The following PTPRN2 variants were observed in gnomAD, a reference collection of about 807,000 sequenced individuals.
PTPRN2 encodes receptor-type tyrosine-protein phosphatase N2.
PTPRN2 carries 74 observed loss-of-function variants against 118.8 expected under a neutral mutation model. The ratio of observed to expected loss-of-function variants is 0.62; its 90% CI spans 0.52 to 0.76. The LOEUF is 0.76. PTPRN2 is among the 30% of genes least tolerant of loss of function. The pLI is 0.00. For missense variants in PTPRN2, 1,481 were observed against 1,394.4 expected (o/e 1.06, Z -0.99); for synonymous variants, 641 against 608.0 (o/e 1.05, Z -0.80).
intron 12 of PTPRN2, among the ~76,000 whole-genome samples, chr7:157,725,133 C>A (rs372075049): frequency 6.6e-6 from 1 of 151,934 alleles, no homozygotes; most frequent in Non-Finnish European, 1.5e-5. Flanking sequence ...TCTGGGAGAA[C>A]TGGATATCTA....
At chr7:158,068,736 G>T (rs1377438815) in intron 11 of PTPRN2, among the ~76,000 whole-genome samples, 1 of 152,156 alleles carries the variant, frequency 6.6e-6, no homozygotes, top group Non-Finnish European at 1.5e-5. Context: ...GTCGGTCAAG[G>T]GCTGTGAAGC....
chr7:158,492,134 C>T (rs1298922306), intron 1 of PTPRN2, among the ~76,000 whole-genome samples: 3 of 152,196 alleles, frequency 2.0e-5, no homozygotes, highest in Admixed American at 6.5e-5. Flanking sequence ...CACAGAGGCG[C>T]ACAGAGAAGG....
Position 157,936,313 on chromosome 7 carries a change from C to G in PTPRN2, c.1724-37576G>C, listed in dbSNP as rs72621122. On this transcript the variant is annotated intron_variant, in intron 11 of 22. Coordinates refer to ENST00000389418, the MANE Select transcript of PTPRN2 (RefSeq NM_002847.5). Reference sequence around the variant, plus strand: ...CTTTCTTGAGGTGACGAGATGCTATCGATTATGGGCTCTGTGCCCCTGTCA... The same window carrying G: ...CTTTCTTGAGGTGACGAGATGCTATGGATTATGGGCTCTGTGCCCCTGTCA... 8.5e-5 allele frequency among the ~76,000 whole-genome samples: 13 copies of G among 152,114 alleles called. No homozygotes were observed. In the South Asian group the frequency reaches 1.7e-3, roughly 19 times the overall value.
chr7:158,031,905 T>C (rs1364955168), intron 11 of PTPRN2, among the ~76,000 whole-genome samples: 1 of 152,238 alleles, frequency 6.6e-6, no homozygotes, highest in African/African-American at 2.4e-5. Flanking sequence ...GGTGCTGCTC[T>C]GCAGCCGGCG....
intron 2 of PTPRN2, among the ~76,000 whole-genome samples, chr7:158,385,305 GA>G (rs5888752): frequency 0.92 from 139,014 of 151,918 alleles, 63,622 homozygotes; most frequent in African/African-American, 0.93. Flanking sequence ...GACACCACTG[GA>G]AAAAAAAAGG....
At chr7:157,950,894 G>A (rs772817751) in intron 11 of PTPRN2, among the ~76,000 whole-genome samples, 20 of 152,284 alleles carry the variant, frequency 1.3e-4, no homozygotes, top group Admixed American at 7.2e-4. Flanking sequence ...TGGTGATGGC[G>A]GGTGGCCATT....
intron 3 of PTPRN2, among the ~76,000 whole-genome samples, chr7:158,257,576 G>A (rs1797112138): frequency 6.6e-6 from 1 of 152,344 alleles, no homozygotes. Context: ...ACGACCCCGA[G>A]CCCCCAGTTG....
In PTPRN2 at chr7:158,060,316, C is replaced by T. The variant is rs550163174; in HGVS notation, c.1723+20982G>A. Among the ~76,000 whole-genome samples, 36 of 141,704 alleles carry T rather than the reference C, an allele frequency of 2.5e-4. 1 individual carries two copies. Among genetic ancestry groups the T allele is most frequent in the Admixed American group, 5.4e-4 (8 of 14,688 alleles). The allele number at this position is 141,704 out of a possible 152,430, so 93.0% of individuals were successfully genotyped here. A position where few individuals can be genotyped will look rare whatever the true frequency, so the allele number is the denominator to read the frequency against. ...ACTGCAGCCACGCTCCATCTGCACA[C>T]GGTGACACATCAGTGCAGGGTAGAA... On this transcript the variant is annotated intron_variant, in intron 11 of 22. Transcript: ENST00000389418.
chr7:157,842,884 A>G (rs1808534819), intron 12 of PTPRN2, among the ~76,000 whole-genome samples: 1 of 152,172 alleles, frequency 6.6e-6, no homozygotes, highest in African/African-American at 2.4e-5. Flanking sequence ...AAATATATTA[A>G]CAAGTCGGAG....
intron 15 of PTPRN2, among the ~76,000 whole-genome samples, chr7:157,608,037 T>C (rs1802107087): frequency 6.6e-6 from 1 of 152,180 alleles, no homozygotes; most frequent in South Asian, 2.1e-4. Flanking sequence ...TATTTGATTT[T>C]GTGTCAACAT....
At chr7:158,386,450 C>T (rs150500163) in intron 2 of PTPRN2, among the ~76,000 whole-genome samples, 104 of 152,058 alleles carry the variant, frequency 6.8e-4, no homozygotes, top group African/African-American at 2.4e-3. Flanking sequence ...TCCCATGGTG[C>T]AGGAGCTGCC....
intron 11 of PTPRN2, among the ~76,000 whole-genome samples, chr7:158,005,867 C>A (rs1375339821): frequency 6.6e-6 from 1 of 152,220 alleles, no homozygotes; most frequent in African/African-American, 2.4e-5. Flanking sequence ...TGTGCAAATG[C>A]GTGTCTCTAG....
intron 12 of PTPRN2, among the ~76,000 whole-genome samples, chr7:157,814,328 C>G (rs896727350): frequency 2.0e-5 from 3 of 152,122 alleles, no homozygotes. Context: ...CGGAGAAGGC[C>G]ACGTCCACGG....
At chr7:158,336,539 C>T (rs1805573861) in intron 2 of PTPRN2, among the ~76,000 whole-genome samples, 1 of 138,606 alleles carries the variant, frequency 7.2e-6, no homozygotes, top group Non-Finnish European at 1.6e-5. Context: ...GTGAAACCTG[C>T]CGACGTCACT....
chr7:158,407,228 G>GGTCCTGC (rs1813598469), intron 2 of PTPRN2, among the ~76,000 whole-genome samples: 1 of 22,966 alleles, frequency 4.4e-5, no homozygotes, highest in African/African-American at 1.4e-4. Context: ...CTGCGTCCTG[G>GGTCCTGC]GTCCTGGGTC....
chr7:158,012,440 A>C (rs1032692421), intron 11 of PTPRN2, among the ~76,000 whole-genome samples: 7 of 152,220 alleles, frequency 4.6e-5, no homozygotes, highest in African/African-American at 1.7e-4. Context: ...AGGAGTAACA[A>C]ATCTGTATGG....
intron 6 of PTPRN2, among the ~76,000 whole-genome samples, chr7:158,164,825 C>T (rs1039303606): frequency 5.3e-5 from 8 of 152,228 alleles, no homozygotes; most frequent in East Asian, 1.9e-4. Context: ...GAGGGGCAGC[C>T]GGTGCCGGGG....
chr7:158,132,309 TACAC>T (rs959952920), intron 9 of PTPRN2, among the ~76,000 whole-genome samples: 2 of 141,894 alleles, frequency 1.4e-5, no homozygotes, highest in Non-Finnish European at 3.1e-5. Context: ...CTACCCGACA[TACAC>T]ACTCATACAC....
chr7:158,549,108 C>A (rs141402221), intron 1 of PTPRN2, among the ~76,000 whole-genome samples: 2 of 152,216 alleles, frequency 1.3e-5, no homozygotes, highest in South Asian at 4.1e-4. Flanking sequence ...TCATCCAAGG[C>A]GAGCACAAGC....
Sources: allele counts gnomAD v4.1 joint callset (sites outside exome capture counted in the v4.1 genomes callset), GRCh38; gene constraint gnomAD v4.1.1; transcripts MANE v1.5; gene names NCBI Gene and HGNC (gene_info 2026-07-23, HGNC 2026-07-21).